SRPK2: variants seen among roughly 807,000 people sequenced by gnomAD.
The protein encoded by SRPK2 is SFRS protein kinase 2.
A neutral mutation model predicts 90.8 loss-of-function variants in SRPK2; 21 were observed. The ratio of observed to expected loss-of-function variants is 0.23; its 90% CI spans 0.16 to 0.33. The LOEUF (loss-of-function observed/expected upper bound fraction) is 0.33. SRPK2 is among the 10% of genes least tolerant of loss of function. The pLI is 1.00. For synonymous variants in SRPK2, 288 were observed against 311.1 expected (o/e 0.93, Z 0.78); for missense variants, 620 against 869.0 (o/e 0.71, Z 3.60).
At chr7:105,232,457 C>CTA (rs1286094396) in intron 2 of SRPK2, among the ~76,000 whole-genome samples, 425 of 18,824 alleles carry the variant, frequency 0.023, 2 homozygotes, top group Admixed American at 0.046. Flanking sequence ...GAAACCTTAT[C>CTA]TAAAAAAAAA....
At chr7:105,374,716 C>T (rs960258626) in intron 2 of SRPK2, among the ~76,000 whole-genome samples, 1 of 152,148 alleles carries the variant, frequency 6.6e-6, no homozygotes, top group African/African-American at 2.4e-5. Context: ...AGCAGTTCTC[C>T]TGCCTCGCCT....
intron 3 of SRPK2, among the ~76,000 whole-genome samples, chr7:105,188,818 A>G (rs1015602479): frequency 6.6e-6 from 1 of 152,224 alleles, no homozygotes. Context: ...ATGTTTTTAG[A>G]ATACTACCTT....
intron 2 of SRPK2, among the ~76,000 whole-genome samples, chr7:105,236,882 A>C (rs920630705): frequency 2.0e-5 from 3 of 152,240 alleles, no homozygotes; most frequent in Non-Finnish European, 2.9e-5. Context: ...ACAAATATAG[A>C]GATAGAATCA....
intron 11 of SRPK2, among the ~76,000 whole-genome samples, chr7:105,134,687 C>T (rs1419223601): frequency 6.6e-6 from 1 of 152,244 alleles, no homozygotes; most frequent in Admixed American, 6.5e-5. Context: ...GAGGGCCAGC[C>T]TTGCAACTTG....
chr7:105,235,816 G>C (rs540396917), intron 2 of SRPK2, among the ~76,000 whole-genome samples: 2 of 152,104 alleles, frequency 1.3e-5, no homozygotes, highest in South Asian at 4.2e-4. Context: ...TCATCACAAA[G>C]AATTATTAGC....
At chr7:105,145,216 G>C in intron 9 of SRPK2, 67 bp downstream of exon 9, 1 of 1,267,796 alleles carries the variant, frequency 7.9e-7, no homozygotes, top group Non-Finnish European at 1.1e-6. Context: ...TTTATAATTT[G>C]AACAACTCAA....
At chr7:105,172,941 G>A (rs567090922) in intron 3 of SRPK2, among the ~76,000 whole-genome samples, 1 of 152,298 alleles carries the variant, frequency 6.6e-6, no homozygotes, top group South Asian at 2.1e-4. Context: ...ATACATGTGA[G>A]CAAAAACAGA....
chr7:105,244,734 G>A, intron 2 of SRPK2: 2 of 1,116,738 alleles, frequency 1.8e-6, no homozygotes, highest in Non-Finnish European at 1.3e-6. Flanking sequence ...AGGCACAGCC[G>A]CCGCCGCGGG....
rs558621774 is a variant in SRPK2 at position 105,116,479 on chromosome 7, T to C, written c.*1359A>G. 2.0e-4 allele frequency: 30 copies of C among 152,734 alleles called. No homozygotes were observed. Among genetic ancestry groups the C allele is most frequent in the African/African-American group, 7.0e-4 (29 of 41,580 alleles). The allele number at this position is 152,734 out of a possible 1,614,324, so 9.5% of individuals were successfully genotyped here. On this transcript the variant is annotated 3_prime_UTR_variant, in exon 16 of 16. Coordinates refer to ENST00000393651, the MANE Select transcript of SRPK2 (RefSeq NM_182692.3). ...TTGTTAGCTTTTCACAATCTAGTTA[T>C]TGCAAAGGCATATGGATAAATGTTA...
At chr7:105,256,944 T>A (rs555141816) in intron 2 of SRPK2, among the ~76,000 whole-genome samples, 5 of 152,344 alleles carry the variant, frequency 3.3e-5, no homozygotes, top group African/African-American at 1.2e-4. Flanking sequence ...CAATTATTAG[T>A]TATGTGCAAT....
chr7:105,284,306 G>A (rs1563191025), intron 2 of SRPK2, among the ~76,000 whole-genome samples: 1 of 152,008 alleles, frequency 6.6e-6, no homozygotes, highest in Non-Finnish European at 1.5e-5. Flanking sequence ...ACTCCAAACA[G>A]AAAAAAATGG....
chr7:105,197,378 T>A (rs1795043076), intron 3 of SRPK2, among the ~76,000 whole-genome samples: 1 of 152,174 alleles, frequency 6.6e-6, no homozygotes, highest in Non-Finnish European at 1.5e-5. Context: ...ACAGGTTAAG[T>A]ATTCCGGAGA....
At position 105,229,404 on chromosome 7, in the gene SRPK2, C is replaced by T. The variant is rs909585158; in HGVS notation, c.72-25619G>A. On this transcript the variant is annotated intron_variant, in intron 2 of 15. Transcript: ENST00000393651. ...GCGTGAACCCGGGAGGCGGAGCTTGCAGTGAGCCGAGATTGCGCCACTGCA... is the reference window on the plus strand; with the variant it reads ...GCGTGAACCCGGGAGGCGGAGCTTGTAGTGAGCCGAGATTGCGCCACTGCA... Among the ~76,000 whole-genome samples the T allele has an allele frequency of 6.5e-4, 98 of 151,852 alleles. 1 individual carries two copies. The highest frequency in any genetic ancestry group is 8.1e-4 in the Non-Finnish European group (55 of 67,994).
At chr7:105,394,145 C>CTTTCT (rs1554534857), upstream of SRPK2, among the ~76,000 whole-genome samples, 5 of 139,942 alleles carry the variant, frequency 3.6e-5, no homozygotes, top group South Asian at 4.5e-4. Context: ...TTCTTTCTTT[C>CTTTCT]TTTTTTTTTT....
chr7:105,268,807 T>C (rs764408864), intron 2 of SRPK2: 4 of 1,599,508 alleles, frequency 2.5e-6, no homozygotes, highest in Admixed American at 1.7e-5. Context: ...TAGCTGTACC[T>C]TTCTGAAGAG....
chr7:105,160,379 CAT>C (rs1807429608), intron 7 of SRPK2, 126 bp downstream of exon 7: 3 of 497,258 alleles, frequency 6.0e-6, no homozygotes, highest in South Asian at 8.0e-5. Context: ...ACATATGTAA[CAT>C]ACATAACATA....
At chr7:105,127,820 G>C (rs1011710899) in intron 13 of SRPK2, among the ~76,000 whole-genome samples, 14 of 152,208 alleles carry the variant, frequency 9.2e-5, no homozygotes, top group African/African-American at 3.1e-4. Flanking sequence ...GCTGATCAAA[G>C]AGAATGTTTT....
At chr7:105,314,818 T>C (rs1812136906) in intron 2 of SRPK2, among the ~76,000 whole-genome samples, 1 of 152,254 alleles carries the variant, frequency 6.6e-6, no homozygotes, top group Non-Finnish European at 1.5e-5. Flanking sequence ...AAATGTCGAA[T>C]AATGAGAAAT....
At chr7:105,317,190 C>T (rs1812405369) in intron 2 of SRPK2, among the ~76,000 whole-genome samples, 1 of 152,202 alleles carries the variant, frequency 6.6e-6, no homozygotes, top group African/African-American at 2.4e-5. Flanking sequence ...GCACTGACGA[C>T]ATAAAAAGAA....
Sources: gnomAD v4.1 joint callset for allele counts (sites outside exome capture counted in the v4.1 genomes callset) on GRCh38, gnomAD v4.1.1 for gene constraint, MANE v1.5 for transcripts, NCBI Gene and HGNC (gene_info 2026-07-23, HGNC 2026-07-21) for gene names.